NAV2: variants seen among roughly 807,000 people sequenced by gnomAD.
NAV2 encodes the protein neuron navigator 2.
A neutral mutation model predicts 223.2 loss-of-function variants in NAV2; 54 were observed. The ratio of observed to expected loss-of-function variants is 0.24; its 90% confidence interval spans 0.19 to 0.30. The LOEUF (loss-of-function observed/expected upper bound fraction) is 0.30. NAV2 is among the 10% of genes least tolerant of loss of function. NAV2 has a pLI of 1.00. For synonymous variants in NAV2, 1,279 were observed against 1,239.3 expected, an observed-to-expected ratio of 1.03 and a Z score of -0.67; for missense variants, 2,806 against 3,147.5, an observed-to-expected ratio of 0.89 and a Z score of 2.60.
intron 1 of NAV2, among the ~76,000 whole-genome samples, chr11:19,456,287 C>G (rs1447483991): frequency 6.6e-6 from 1 of 152,208 alleles, no homozygotes; most frequent in East Asian, 1.9e-4. Flanking sequence ...AGGGCACTGA[C>G]TGTGGGCAGG....
intron 3 of NAV2, among the ~76,000 whole-genome samples, chr11:19,862,196 A>G (rs1289198807): frequency 6.6e-6 from 1 of 152,226 alleles, no homozygotes; most frequent in Non-Finnish European, 1.5e-5. Flanking sequence ...AAGCAGAGAA[A>G]CTCTTAAAAA....
chr11:19,986,436 A>G (rs1363267233), intron 11 of NAV2, among the ~76,000 whole-genome samples: 1 of 152,212 alleles, frequency 6.6e-6, no homozygotes, highest in Non-Finnish European at 1.5e-5. Flanking sequence ...CCTGGCAAAC[A>G]TGATGAAACC....
chr11:19,695,577 T>C (rs1481248149), intron 1 of NAV2, among the ~76,000 whole-genome samples: 1 of 152,154 alleles, frequency 6.6e-6, no homozygotes, highest in Non-Finnish European at 1.5e-5. Context: ...AAGAGTTTTG[T>C]CCCTTCTGGT....
chr11:19,963,521 G>A (rs1382626941), intron 10 of NAV2, among the ~76,000 whole-genome samples: 1 of 152,148 alleles, frequency 6.6e-6, no homozygotes, highest in Non-Finnish European at 1.5e-5. Context: ...CCATTTGAAG[G>A]AGCTATGAAG....
intron 1 of NAV2, among the ~76,000 whole-genome samples, chr11:19,762,611 C>CTTTTTT (rs35264238): frequency 6.4e-5 from 7 of 109,546 alleles, no homozygotes; most frequent in East Asian, 2.5e-4. Context: ...GAGAAGTCTT[C>CTTTTTT]TTTTTTTTTT....
At chr11:20,106,331 T>G (rs11604922) in intron 35 of NAV2, among the ~76,000 whole-genome samples, 112,729 of 143,810 alleles carry the variant, frequency 0.78, 47,342 homozygotes, top group Non-Finnish European at 0.95. Flanking sequence ...GGCCAAGGCA[T>G]ATGGATCACC....
chr11:20,070,962 T>A (rs745838954), intron 22 of NAV2, among the ~76,000 whole-genome samples: 40 of 152,292 alleles, frequency 2.6e-4, no homozygotes, highest in Non-Finnish European at 4.9e-4. Context: ...TTTTAAATTT[T>A]TTTTTTATTA....
At chr11:19,484,347 C>T (rs1425921225) in intron 1 of NAV2, among the ~76,000 whole-genome samples, 1 of 152,200 alleles carries the variant, frequency 6.6e-6, no homozygotes, top group Non-Finnish European at 1.5e-5. Flanking sequence ...AGGGAGGTCA[C>T]CTCCTCCAAG....
At chr11:19,620,350 A>C (rs1185362802) in intron 1 of NAV2, among the ~76,000 whole-genome samples, 3 of 152,142 alleles carry the variant, frequency 2.0e-5, no homozygotes, top group East Asian at 3.8e-4. Flanking sequence ...TTACCTTGGG[A>C]AGAATGGCCA....
chr11:19,346,770 T>C (rs1193788844), upstream of NAV2, among the ~76,000 whole-genome samples: 1 of 152,176 alleles, frequency 6.6e-6, no homozygotes, highest in Non-Finnish European at 1.5e-5. Flanking sequence ...AGCCCCTAGA[T>C]TAGAAACTCA....
At chr11:19,595,146 A>T (rs777833828) in intron 1 of NAV2, among the ~76,000 whole-genome samples, 9 of 152,168 alleles carry the variant, frequency 5.9e-5, no homozygotes, top group Non-Finnish European at 1.5e-5. Flanking sequence ...ACACCTCAGA[A>T]TCTCCACTGC....
At chr11:19,403,817 T>C (rs1234543124) in intron 1 of NAV2, among the ~76,000 whole-genome samples, 2 of 150,808 alleles carry the variant, frequency 1.3e-5, no homozygotes, top group Non-Finnish European at 3.0e-5. Flanking sequence ...GGATATCGAG[T>C]GTGGGGTTAG....
intron 1 of NAV2, among the ~76,000 whole-genome samples, chr11:19,690,450 A>G (rs2049140945): frequency 6.6e-6 from 1 of 152,174 alleles, no homozygotes; most frequent in South Asian, 2.1e-4. Context: ...ATTTCTTCAT[A>G]TATTAAAAAG....
Position 20,118,376 on chromosome 11 carries a change from G to A in NAV2, c.*118G>A. 1 of 1,218,170 alleles carries A rather than the reference G, an allele frequency of 8.2e-7. No individual in the cohort carries two copies. The highest frequency in any genetic ancestry group is 1.2e-6 in the Non-Finnish European group (1 of 866,504). 75.5% of individuals were successfully genotyped at this position (1,218,170 alleles called of 1,614,324 possible). On this transcript the variant is annotated 3_prime_UTR_variant, in exon 38 of 38. Coordinates refer to ENST00000349880, the MANE Select transcript of NAV2 (RefSeq NM_145117.5). The stretch of plus-strand genomic sequence containing the variant: ...CCCAGCCACAGCCTTAGAGCTGCGG[G>A]AACACCGAGACCCCCCGTCCTTCAG...
intron 1 of NAV2, among the ~76,000 whole-genome samples, chr11:19,491,963 GA>G (rs1444622521): frequency 1.4e-5 from 2 of 147,424 alleles, no homozygotes. Flanking sequence ...CAAAGAGAGA[GA>G]GAGAGAGAGA....
chr11:19,358,074 A>G (rs1308454788), intron 1 of NAV2, among the ~76,000 whole-genome samples: 1 of 152,120 alleles, frequency 6.6e-6, no homozygotes, highest in African/African-American at 2.4e-5. Flanking sequence ...AGATTCTTCC[A>G]TGCCTGGGGT....
At chr11:19,811,920 C>T (rs968313822) in intron 1 of NAV2, among the ~76,000 whole-genome samples, 8 of 152,246 alleles carry the variant, frequency 5.3e-5, no homozygotes, top group Admixed American at 3.3e-4. Context: ...AAAACAGATA[C>T]GCGTTGTCTT....
At position 19,697,762 on chromosome 11, in the gene NAV2, TC is replaced by T. The variant is rs377609760; in HGVS notation, c.76-134721del. On this transcript the variant is annotated intron_variant, in intron 1 of 37. Transcript: ENST00000360655. The stretch of plus-strand genomic sequence containing the variant: ...ACATTTCTACACAACAAAAAGTAGG[TC>T]ATTGTCTTCAGAAGAGAGCAGGGAA... Among the ~76,000 whole-genome samples, 617 of 152,262 alleles carry T rather than the reference TC, an allele frequency of 4.1e-3. 4 individuals carry two copies. Among genetic ancestry groups the T allele is most frequent in the African/African-American group, 0.014 (564 of 41,542 alleles).
intron 6 of NAV2, among the ~76,000 whole-genome samples, chr11:19,917,812 A>T (rs1202841309): frequency 2.0e-5 from 3 of 152,168 alleles, no homozygotes; most frequent in African/African-American, 4.8e-5. Flanking sequence ...GGGTTTCGCC[A>T]TGTTGGCCAA....
Sources: gnomAD v4.1 joint callset for allele counts (sites outside exome capture counted in the v4.1 genomes callset) on GRCh38, gnomAD v4.1.1 for gene constraint, MANE v1.5 for transcripts, NCBI Gene and HGNC (gene_info 2026-07-23, HGNC 2026-07-21) for gene names.